DDX25: variants seen among roughly 807,000 people sequenced by gnomAD.
The protein encoded by DDX25 is ATP-dependent RNA helicase DDX25.
A neutral mutation model predicts 64.6 loss-of-function variants in DDX25; 70 were observed. That is an observed-to-expected ratio of 1.08 (90% confidence interval 0.89 to 1.32). The LOEUF (loss-of-function observed/expected upper bound fraction) is 1.32, where lower values mean the gene tolerates loss of function less well. Among genes scored for constraint, DDX25 ranks in the 40% most tolerant of loss-of-function variants. The pLI, the probability that DDX25 is intolerant of heterozygous loss-of-function variation, is 0.00. For missense variants in DDX25, 587 were observed against 604.4 expected, an observed-to-expected ratio of 0.97 and a Z score of 0.30; for synonymous variants, 211 against 213.3, an observed-to-expected ratio of 0.99 and a Z score of 0.09.
At chr11:125,914,018 T>C (rs1945001951) in intron 8 of DDX25, among the ~76,000 whole-genome samples, 2 of 152,234 alleles carry the variant, frequency 1.3e-5, no homozygotes, top group African/African-American at 4.8e-5. Flanking sequence ...TTTTTTTTTA[T>C]AGAGCTTCCT....
intron 9 of DDX25, among the ~76,000 whole-genome samples, chr11:125,917,774 T>A (rs925904745): frequency 5.9e-5 from 9 of 152,216 alleles, no homozygotes; most frequent in African/African-American, 2.2e-4. Context: ...ATGTGTAGAA[T>A]AAAAGAAAGC....
At chr11:125,911,236 A>G (rs1944963432) in intron 7 of DDX25, 75 bp from the exon 8 acceptor site, 1 of 1,321,880 alleles carries the variant, frequency 7.6e-7, no homozygotes, top group Non-Finnish European at 9.9e-7. Flanking sequence ...TGAGCTTTAT[A>G]TTGCACTGCC....
chr11:125,917,017 T>G lies in DDX25; in HGVS notation c.804T>G (p.Ala268=), dbSNP rs34015034. ...FSDHSIRIQR[A]LPSECQMLLF... ...AGCCTTCTCTCCTCTATCACAGAGC[T>G]CTACCCTCCGAATGCCAAATGCTCC... Residue 268 remains alanine, a synonymous_variant, in exon 9 of 12, where the codon GCT becomes GCG. Transcript: ENST00000263576. 5,409 of 1,589,100 alleles carry G rather than the reference T, an allele frequency of 3.4e-3. 181 individuals are homozygous for G. The African/African-American group carries it at 0.064, about 19-fold the overall frequency.
rs1471816419 is a variant in DDX25, at chr11:125,918,886, A to G, written c.1201+96A>G. 6.7e-6 allele frequency: 9 copies of G among 1,342,966 alleles called. No individual in the cohort carries two copies. In the East Asian group the frequency reaches 7.8e-5, roughly 12 times the overall value. 83.2% of individuals were successfully genotyped at this position (1,342,966 alleles called of 1,614,324 possible). On this transcript the variant is annotated intron_variant, in intron 10 of 11. Transcript: ENST00000263576. Reference sequence around the variant, plus strand: ...TTTCGCGAGTTTCGACAAACATGCAATCATGCAGCTATCACTGTCATCAAA... The same window carrying G: ...TTTCGCGAGTTTCGACAAACATGCAGTCATGCAGCTATCACTGTCATCAAA...
chr11:125,916,877 G>C (rs1372705416), intron 8 of DDX25, 137 bp from the exon 9 acceptor site: 1 of 781,264 alleles, frequency 1.3e-6, no homozygotes, highest in Non-Finnish European at 2.1e-6. Flanking sequence ...TATCTGCCTG[G>C]AGATACAGCT....
chr11:125,907,331 G>A (rs567506450), intron 4 of DDX25, among the ~76,000 whole-genome samples: 20 of 152,166 alleles, frequency 1.3e-4, no homozygotes, highest in Non-Finnish European at 2.2e-4. Context: ...AGTGTTGGCC[G>A]GGCGCGGTGG....
At chr11:125,919,722 G>A (rs1486344306) in intron 10 of DDX25, among the ~76,000 whole-genome samples, 1 of 151,986 alleles carries the variant, frequency 6.6e-6, no homozygotes, top group Admixed American at 6.5e-5. Context: ...TCTTGGGAAA[G>A]GTATCCTGAA....
Position 125,910,397 on chromosome 11 carries a change from C to G in DDX25, c.541C>G (p.Leu181Val). Reference sequence around the variant, plus strand: ...CCTAGCTCCTACTTATGAATTGGCTCTGCAAACTGGCCGTGTGGTTGAGCA... The same window carrying G: ...CCTAGCTCCTACTTATGAATTGGCTGTGCAAACTGGCCGTGTGGTTGAGCA... ...LCLAPTYELA[L>V]QTGRVVEQMG... The change falls in exon 7 of 12, where the codon CTG (leucine) becomes GTG (valine). Residue 181 changes from leucine (L) to valine (V), a missense_variant. Physicochemically the swap from Leu to Val is conservative, Grantham distance 32. Transcript: ENST00000263576. The G allele has an allele frequency of 6.2e-7, 1 of 1,613,968 alleles. No individual in the cohort carries two copies. The highest frequency in any genetic ancestry group is 8.5e-7 in the Non-Finnish European group (1 of 1,179,886).
intron 6 of DDX25, among the ~76,000 whole-genome samples, chr11:125,909,352 A>T (rs1944935784): frequency 6.6e-6 from 1 of 152,184 alleles, no homozygotes; most frequent in Non-Finnish European, 1.5e-5. Flanking sequence ...AGGATAAGTT[A>T]TGTTGGAGCA....
chr11:125,911,705 T>A (rs1249795885), intron 8 of DDX25, among the ~76,000 whole-genome samples: 1 of 152,260 alleles, frequency 6.6e-6, no homozygotes, highest in Non-Finnish European at 1.5e-5. Flanking sequence ...AGTGCTTTAC[T>A]TTGCAACACA....
In DDX25 at chr11:125,926,701, C is replaced by T. The variant is rs577311503; in HGVS notation, c.*3820C>T. 2 of 152,256 alleles carry T rather than the reference C, an allele frequency of 1.3e-5. No homozygotes were observed. Among genetic ancestry groups the T allele is most frequent in the South Asian group, 4.2e-4 (2 of 4,810 alleles). The allele number at this position is 152,256 out of a possible 1,614,324, so 9.4% of individuals were successfully genotyped here. The stretch of plus-strand genomic sequence containing the variant: ...GGGGCTACAGGCACATGCCACCACG[C>T]CTGGCTTATTTTTGTATGTTATTTT... On this transcript the variant is annotated 3_prime_UTR_variant, in exon 12 of 12. Transcript: ENST00000263576.
intron 8 of DDX25, among the ~76,000 whole-genome samples, chr11:125,912,900 G>A (rs1030262244): frequency 2.6e-5 from 4 of 152,128 alleles, no homozygotes; most frequent in African/African-American, 9.7e-5. Context: ...GCTCACGCCA[G>A]TAGTCCCAGC....
intron 7 of DDX25, among the ~76,000 whole-genome samples, 159 bp downstream of exon 7, chr11:125,910,637 G>A (rs1944954228): frequency 6.6e-6 from 1 of 152,154 alleles, no homozygotes; most frequent in Admixed American, 6.5e-5. Flanking sequence ...CGTTGGTAAA[G>A]CATTGTACAC....
intron 7 of DDX25, 127 bp downstream of exon 7, chr11:125,910,605 G>A: frequency 1.3e-6 from 1 of 792,820 alleles, no homozygotes. Context: ...ATGTCATAGA[G>A]TTGTTATTAG....
intron 9 of DDX25, among the ~76,000 whole-genome samples, chr11:125,918,171 G>A (rs1270999125): frequency 3.9e-5 from 6 of 152,088 alleles, no homozygotes; most frequent in Non-Finnish European, 7.4e-5. Flanking sequence ...GTGAGCCACC[G>A]CACCTGGCCT....
Position 125,923,189 on chromosome 11 carries a change from C to T in DDX25, c.*308C>T, listed in dbSNP as rs570433664. 3.3e-5 allele frequency: 8 copies of T among 239,762 alleles called. No homozygotes were observed. The South Asian group carries it at 6.0e-4, about 18-fold the overall frequency. The allele number at this position is 239,762 out of a possible 1,614,324, so 14.9% of individuals were successfully genotyped here. ...TTGATACAATCTGAGCAGATCGTGC[C>T]TCTTGGGAGCATCTTACTGTGTCAC... On this transcript the variant is annotated 3_prime_UTR_variant, in exon 12 of 12. Transcript: ENST00000263576.
chr11:125,907,365 T>C (rs1474958029), intron 4 of DDX25, among the ~76,000 whole-genome samples: 4 of 152,124 alleles, frequency 2.6e-5, no homozygotes, highest in Non-Finnish European at 4.4e-5. Context: ...TCCCAGCACT[T>C]TGGGAGGCCA....
chr11:125,923,994 A>G lies in DDX25; in HGVS notation c.*1113A>G, dbSNP rs59508497. 62,848 of 152,118 alleles carry G rather than the reference A, an allele frequency of 0.41. 14,974 individuals are homozygous for G. Among genetic ancestry groups the G allele is most frequent in the African/African-American group, 0.66 (27,304 of 41,456 alleles). The allele number at this position is 152,118 out of a possible 1,614,324, so 9.4% of individuals were successfully genotyped here. On this transcript the variant is annotated 3_prime_UTR_variant, in exon 12 of 12. Transcript: ENST00000263576. Reference sequence around the variant, plus strand: ...CATAAAAATCATCACGTGGCTGGGCACAGTGGCTCACACCTGTAATCCTAG... The same window carrying G: ...CATAAAAATCATCACGTGGCTGGGCGCAGTGGCTCACACCTGTAATCCTAG...
At chr11:125,919,287 A>G (rs1945080718) in intron 10 of DDX25, among the ~76,000 whole-genome samples, 1 of 152,134 alleles carries the variant, frequency 6.6e-6, no homozygotes, top group African/African-American at 2.4e-5. Context: ...ATATGCTTTC[A>G]TTTCTCTTGG....
Sources: allele counts gnomAD v4.1 joint callset (sites outside exome capture counted in the v4.1 genomes callset), GRCh38; gene constraint gnomAD v4.1.1; transcripts MANE v1.5; gene names NCBI Gene and HGNC (gene_info 2026-07-23, HGNC 2026-07-21).